Variants in PTPRD observed in about 807,000 individuals in gnomAD.
The protein encoded by PTPRD is protein tyrosine phosphatase receptor type D.
Under a neutral mutation model 214.5 loss-of-function variants are expected in PTPRD, and 34 were observed. The observed-to-expected ratio is 0.16, with a 90% CI of 0.12 to 0.21. The LOEUF (loss-of-function observed/expected upper bound fraction) is 0.21, where lower values mean the gene tolerates loss of function less well. Among genes scored for constraint, PTPRD ranks in the 10% least tolerant of loss-of-function variants. The pLI is 1.00. For synonymous variants in PTPRD, 1,128 were observed against 845.7 expected (o/e 1.33, Z -5.79); for missense variants, 2,545 against 2,398.7 (o/e 1.06, Z -1.27).
chr9:9,737,242 C>T (rs1043030118), intron 6 of PTPRD, among the ~76,000 whole-genome samples: 1 of 152,086 alleles, frequency 6.6e-6, no homozygotes, highest in Non-Finnish European at 1.5e-5. Context: ...TTCCACTGAA[C>T]AATTTGTCTA....
At chr9:10,586,605 T>G (rs76192663) in intron 2 of PTPRD, among the ~76,000 whole-genome samples, 2 of 152,100 alleles carry the variant, frequency 1.3e-5, no homozygotes, top group African/African-American at 4.8e-5. Context: ...TGTTCTTATA[T>G]GTCTTTCATC....
At chr9:8,447,773 G>C (rs1350017960) in intron 34 of PTPRD, among the ~76,000 whole-genome samples, 3 of 152,244 alleles carry the variant, frequency 2.0e-5, no homozygotes, top group South Asian at 2.1e-4. Context: ...TCTGCCTCCG[G>C]TGGAAGACCA....
chr9:8,818,864 T>A (rs950927085), intron 11 of PTPRD, among the ~76,000 whole-genome samples: 4 of 152,216 alleles, frequency 2.6e-5, no homozygotes, highest in African/African-American at 9.7e-5. Flanking sequence ...AACACATAGC[T>A]GTTTGTTCGT....
intron 5 of PTPRD, among the ~76,000 whole-genome samples, chr9:9,834,807 G>T (rs2056236500): frequency 6.6e-6 from 1 of 151,946 alleles, no homozygotes; most frequent in South Asian, 2.1e-4. Flanking sequence ...GCTAAAGAGG[G>T]ACACTAGATT....
chr9:9,166,911 T>C (rs2099905464), intron 10 of PTPRD, among the ~76,000 whole-genome samples: 1 of 152,162 alleles, frequency 6.6e-6, no homozygotes, highest in South Asian at 2.1e-4. Context: ...AGCCACCACC[T>C]ATTTTTGAAA....
intron 2 of PTPRD, among the ~76,000 whole-genome samples, chr9:10,432,556 T>G (rs184446489): frequency 6.6e-6 from 1 of 152,104 alleles, no homozygotes; most frequent in African/African-American, 2.4e-5. Flanking sequence ...TCTTAACACC[T>G]GTCACATTCT....
intron 12 of PTPRD, chr9:8,713,808 A>G: frequency 6.5e-7 from 1 of 1,533,002 alleles, no homozygotes; most frequent in Non-Finnish European, 8.8e-7. Flanking sequence ...ACAAGCCACG[A>G]TTCACCACCA....
chr9:9,981,853 T>C (rs961730249), intron 4 of PTPRD, among the ~76,000 whole-genome samples: 2 of 152,192 alleles, frequency 1.3e-5, no homozygotes, highest in Non-Finnish European at 2.9e-5. Flanking sequence ...GCTTATTATT[T>C]AATATCTGTC....
At chr9:9,548,405 C>CTT (rs1157663823) in intron 8 of PTPRD, among the ~76,000 whole-genome samples, 23,340 of 118,414 alleles carry the variant, frequency 0.2, 2,491 homozygotes, top group Non-Finnish European at 0.25. Flanking sequence ...GACTTTTTTT[C>CTT]TTTTTTTTTT....
intron 11 of PTPRD, among the ~76,000 whole-genome samples, chr9:8,813,943 C>T (rs2096869037): frequency 6.6e-6 from 1 of 152,206 alleles, no homozygotes. Context: ...CTCTTAGGTG[C>T]TTTCACATTT....
Position 8,702,250 on chromosome 9 carries a change from T to A in PTPRD, c.64+31530A>T, listed in dbSNP as rs928960398. ...GCTGCCAGATAAATAAGCATTTTAG[T>A]GTGTAAAGTAAAAAAAAAAAAAATG... On this transcript the variant is annotated intron_variant, in intron 12 of 45. Transcript: ENST00000381196. Among the ~76,000 whole-genome samples the A allele has an allele frequency of 2.1e-5, 3 of 144,290 alleles. No homozygotes were observed. In the Admixed American group the frequency reaches 2.1e-4, roughly 10 times the overall value. 94.7% of individuals were successfully genotyped at this position (144,290 alleles called of 152,430 possible).
intron 3 of PTPRD, among the ~76,000 whole-genome samples, chr9:10,224,679 T>C (rs1260350691): frequency 6.6e-6 from 1 of 151,990 alleles, no homozygotes; most frequent in Non-Finnish European, 1.5e-5. Context: ...CATCATGAGT[T>C]TGAAATGCGC....
At chr9:9,726,246 G>A (rs574137259) in intron 7 of PTPRD, among the ~76,000 whole-genome samples, 8 of 152,006 alleles carry the variant, frequency 5.3e-5, no homozygotes, top group African/African-American at 1.2e-4. Flanking sequence ...TCGGATATCC[G>A]CATAACACTG....
intron 10 of PTPRD, among the ~76,000 whole-genome samples, chr9:9,129,314 C>A (rs1212889698): frequency 6.6e-6 from 1 of 152,108 alleles, no homozygotes; most frequent in Non-Finnish European, 1.5e-5. Context: ...CACTGGAACC[C>A]AGGAGGCAGA....
intron 3 of PTPRD, among the ~76,000 whole-genome samples, chr9:10,338,216 A>G (rs2096876900): frequency 1.3e-5 from 2 of 151,642 alleles, no homozygotes; most frequent in African/African-American, 4.8e-5. Flanking sequence ...TCTCAGCACA[A>G]TTGGCTACCA....
At chr9:10,342,952 T>A (rs1295532204) in intron 2 of PTPRD, among the ~76,000 whole-genome samples, 2 of 152,174 alleles carry the variant, frequency 1.3e-5, no homozygotes, top group Non-Finnish European at 2.9e-5. Context: ...TTAAATAGCC[T>A]GACCTCCATA....
intron 2 of PTPRD, among the ~76,000 whole-genome samples, chr9:10,403,238 A>ATATATATATATATATG (rs1378744585): frequency 8.1e-6 from 1 of 123,290 alleles, no homozygotes; most frequent in Non-Finnish European, 1.7e-5. Context: ...ATATATATAT[A>ATATATATATATATATG]TATATATATA....
chr9:9,778,776 C>A (rs946425620), intron 5 of PTPRD, among the ~76,000 whole-genome samples: 2 of 152,008 alleles, frequency 1.3e-5, no homozygotes, highest in African/African-American at 4.8e-5. Flanking sequence ...TCTGGTGCCT[C>A]CAGGCTATGG....
intron 2 of PTPRD, among the ~76,000 whole-genome samples, chr9:10,479,660 A>AATAAATAAATAAAT (rs763212006): frequency 0.052 from 4,693 of 90,808 alleles, 120 homozygotes; most frequent in African/African-American, 0.091. Flanking sequence ...TAAATAAATA[A>AATAAATAAATAAAT]ACAAAAATAC....
Sources: gnomAD v4.1 joint callset for allele counts (sites outside exome capture counted in the v4.1 genomes callset) on GRCh38, gnomAD v4.1.1 for gene constraint, MANE v1.5 for transcripts, NCBI Gene and HGNC (gene_info 2026-07-23, HGNC 2026-07-21) for gene names.